DHX9: variants seen among roughly 807,000 people sequenced by gnomAD.
The protein encoded by DHX9 is DExH-box helicase 9.
Under a neutral mutation model 148.7 loss-of-function variants are expected in DHX9, and 27 were observed. The ratio of observed to expected loss-of-function variants is 0.18; its 90% CI spans 0.13 to 0.25. The LOEUF is 0.25. Among genes scored for constraint, DHX9 ranks in the 10% least tolerant of loss-of-function variants. The probability of loss-of-function intolerance (pLI) is 1.00; values close to 1 mark genes in which losing one functional copy is unlikely to be tolerated. For missense variants in DHX9, 796 were observed against 1,559.6 expected (o/e 0.51, Z 8.25); for synonymous variants, 529 against 516.6 (o/e 1.02, Z -0.33).
rs1365428550 is a variant in DHX9, at chr1:182,845,478, AAAG to A, written c.252+2049_252+2051del. On this transcript the variant is annotated intron_variant, in intron 3 of 27. Coordinates refer to ENST00000367549, the MANE Select transcript of DHX9 (RefSeq NM_001357.5). ...CTTCTCTCATACCACAACAATCAAC[AAAG>A]AAGATTTCTGTGACTAAATGTGGGG... Among the ~76,000 whole-genome samples the A allele has an allele frequency of 6.6e-5, 10 of 152,170 alleles. No homozygotes were observed. The South Asian group carries it at 1.7e-3, about 25-fold the overall frequency.
Position 182,858,762 on chromosome 1 carries a change from C to T in DHX9, c.930C>T (p.Leu310=), listed in dbSNP as rs1479754425. The change falls in exon 10 of 28, where the codon CTC becomes CTT. Residue 310 remains leucine (L), a synonymous_variant. Coordinates refer to ENST00000367549, the MANE Select transcript of DHX9 (RefSeq NM_001357.5). ...PPEDPSVPVA[L]NIGKLAQFEP... The stretch of plus-strand genomic sequence containing the variant: ...AAGATCCTTCTGTGCCAGTTGCACT[C>T]AACATTGGCAAATTGGCTCAGTTCG... 2 of 1,613,974 alleles carry T rather than the reference C, an allele frequency of 1.2e-6. No homozygotes were observed. Among genetic ancestry groups the T allele is most frequent in the African/African-American group, 2.7e-5 (2 of 74,886 alleles).
rs1404476255 is a variant in DHX9, at chr1:182,858,106, A to G, written c.676A>G (p.Ile226Val). Residue 226 changes from isoleucine to valine, a missense_variant and splice_region_variant, in exon 8 of 28, where the codon ATT becomes GTT. By Grantham distance (29) the Ile-to-Val change is conservative (BLOSUM62 3). Coordinates refer to ENST00000367549, the MANE Select transcript of DHX9 (RefSeq NM_001357.5). ...TIYIKQLGRR[I>V]FAREHGSNKK... ...ATAATCCTGACCTTACATTATAGGG[A>G]TTTTTGCACGAGAACATGGATCAAA... 6 of 1,610,520 alleles carry G rather than the reference A, an allele frequency of 3.7e-6. No individual in the cohort carries two copies. Among genetic ancestry groups the G allele is most frequent in the Non-Finnish European group, 4.2e-6 (5 of 1,179,270 alleles).
In DHX9 at chr1:182,856,066, G is replaced by GC. The variant is rs1668246144; in HGVS notation, c.627-465dup. On this transcript the variant is annotated intron_variant, in intron 6 of 27. Coordinates refer to ENST00000367549, the MANE Select transcript of DHX9 (RefSeq NM_001357.5). ...CCACTGATATGCACAAAGTGTATGT[G>GC]CATGTGTGAGTTTGCGTATATTAGC... 2.0e-5 allele frequency among the ~76,000 whole-genome samples: 3 copies of GC among 152,220 alleles called. No individual in the cohort carries two copies. The South Asian group carries it at 6.2e-4, about 31-fold the overall frequency.
At chr1:182,856,188 G>A (rs16859744) in intron 6 of DHX9, among the ~76,000 whole-genome samples, 1 of 152,114 alleles carries the variant, frequency 6.6e-6, no homozygotes, top group East Asian at 1.9e-4. Context: ...TTTATTTCTT[G>A]GCTCCAAGCT....
At chr1:182,869,394 G>A (rs972579539) in intron 14 of DHX9, among the ~76,000 whole-genome samples, 1 of 152,184 alleles carries the variant, frequency 6.6e-6, no homozygotes, top group Non-Finnish European at 1.5e-5. Context: ...GTCCTATCTG[G>A]TTTGGGCCAG....
intron 3 of DHX9, among the ~76,000 whole-genome samples, chr1:182,844,624 C>G (rs560150831): frequency 1.4e-4 from 21 of 152,204 alleles, no homozygotes; most frequent in Non-Finnish European, 3.1e-4. Flanking sequence ...ACCTCCACCT[C>G]CTGGGTTCAA....
At chr1:182,843,158 T>A (rs1553237521) in intron 2 of DHX9, 136 bp from the exon 3 acceptor site, 5 of 552,778 alleles carry the variant, frequency 9.0e-6, no homozygotes, top group Non-Finnish European at 1.4e-5. Flanking sequence ...ATTCTCTTAT[T>A]TTTATATTTA....
At chr1:182,851,612 A>C (rs982440930) in intron 3 of DHX9, among the ~76,000 whole-genome samples, 2 of 152,082 alleles carry the variant, frequency 1.3e-5, no homozygotes, top group Admixed American at 6.5e-5. Context: ...AAAAGGTTGT[A>C]TAGATCTCAG....
chr1:182,863,758 A>C (rs1648119362), intron 12 of DHX9, among the ~76,000 whole-genome samples: 1 of 151,936 alleles, frequency 6.6e-6, no homozygotes, highest in Non-Finnish European at 1.5e-5. Context: ...TGTCCTGTGA[A>C]TATTTCTAGT....
intron 12 of DHX9, among the ~76,000 whole-genome samples, chr1:182,862,813 A>G (rs1305049035): frequency 6.6e-6 from 1 of 152,240 alleles, no homozygotes; most frequent in Non-Finnish European, 1.5e-5. Context: ...CTACAAAATA[A>G]CAGTTTGGGA....
chr1:182,866,628 G>T (rs768752187), intron 13 of DHX9, 43 bp downstream of exon 13: 2 of 1,576,842 alleles, frequency 1.3e-6, no homozygotes, highest in African/African-American at 2.7e-5. Flanking sequence ...TTTATATTGT[G>T]GTTGTGAAGA....
intron 8 of DHX9, 23 bp downstream of exon 8, chr1:182,858,263 C>T (rs771330326): frequency 8.1e-6 from 13 of 1,606,130 alleles, no homozygotes; most frequent in Admixed American, 5.2e-5. Flanking sequence ...ATTTAATAGA[C>T]TTGTGAGATA....
chr1:182,884,205 TG>T (rs917351952), intron 26 of DHX9, among the ~76,000 whole-genome samples: 8 of 152,156 alleles, frequency 5.3e-5, no homozygotes, highest in African/African-American at 1.7e-4. Flanking sequence ...ACCTGGGAGT[TG>T]GAGGTTGCAA....
chr1:182,880,645 A>G, intron 22 of DHX9, 37 bp downstream of exon 22: 2 of 1,371,154 alleles, frequency 1.5e-6, no homozygotes, highest in Non-Finnish European at 1.0e-6. Context: ...GTTAAGTGGC[A>G]GAATAATTTC....
At chr1:182,854,779 T>G (rs1261369541) in intron 6 of DHX9, among the ~76,000 whole-genome samples, 4 of 152,176 alleles carry the variant, frequency 2.6e-5, no homozygotes, top group Non-Finnish European at 5.9e-5. Context: ...GGGAGGTCAT[T>G]TTAACAGTAT....
intron 14 of DHX9, among the ~76,000 whole-genome samples, chr1:182,872,016 G>T (rs149627468): frequency 0.012 from 1,764 of 152,250 alleles, 17 homozygotes; most frequent in South Asian, 0.056. Context: ...ATGTTGGTCA[G>T]GCTGGTCTCG....
At position 182,842,557 on chromosome 1, in the gene DHX9, C is replaced by T. The variant is rs1241447977; in HGVS notation, c.-10C>T. The T allele has an allele frequency of 3.1e-6, 5 of 1,601,670 alleles. No individual in the cohort carries two copies. The highest frequency in any genetic ancestry group is 4.3e-6 in the Non-Finnish European group (5 of 1,170,454). On this transcript the variant is annotated 5_prime_UTR_variant, in exon 2 of 28. Transcript: ENST00000367549. ...TTTGTTTTCTTAGATCTGAAGAAGA[C>T]ACTTGAATCATGGGTGACGTTAAAA...
chr1:182,860,713 G>C (rs1325942410), intron 12 of DHX9, among the ~76,000 whole-genome samples: 1 of 152,184 alleles, frequency 6.6e-6, no homozygotes, highest in Non-Finnish European at 1.5e-5. Context: ...GGTAGAACTA[G>C]GATTAAAAAA....
chr1:182,864,115 A>T (rs1281253598), intron 12 of DHX9, among the ~76,000 whole-genome samples: 4 of 152,238 alleles, frequency 2.6e-5, no homozygotes, highest in Admixed American at 2.0e-4. Flanking sequence ...TTCTTGAGAG[A>T]CAGGGTCTTA....
Sources: gnomAD v4.1 joint callset for allele counts (sites outside exome capture counted in the v4.1 genomes callset) on GRCh38, gnomAD v4.1.1 for gene constraint, MANE v1.5 for transcripts, NCBI Gene and HGNC (gene_info 2026-07-23, HGNC 2026-07-21) for gene names.